POU3F3: variants seen among roughly 807,000 people sequenced by gnomAD.
POU3F3 encodes POU class 3 homeobox 3.
POU3F3 carries 1 observed loss-of-function variant against 8.6 expected under a neutral mutation model. The observed-to-expected ratio is 0.12, with a 90% CI of 0.04 to 0.55. POU3F3 has a LOEUF of 0.55. Among genes scored for constraint, POU3F3 ranks in the 20% least tolerant of loss-of-function variants. POU3F3 has a pLI of 0.91. For synonymous variants in POU3F3, 418 were observed against 327.4 expected, an observed-to-expected ratio of 1.28 and a Z score of -2.99; for missense variants, 577 against 690.7, an observed-to-expected ratio of 0.84 and a Z score of 1.84.
chr2:104,876,480 G>A, the POU3F3 span, among the ~76,000 whole-genome samples: 1 of 152,310 alleles, frequency 6.6e-6, no homozygotes, highest in South Asian at 2.1e-4. Flanking sequence ...TCACATGGCT[G>A]TATTTGCCAT....
chr2:104,914,292 G>A, the POU3F3 span, among the ~76,000 whole-genome samples: 1 of 152,194 alleles, frequency 6.6e-6, no homozygotes, highest in African/African-American at 2.4e-5. Flanking sequence ...CAGAGGACTA[G>A]TTGTTGATGT....
the POU3F3 span, among the ~76,000 whole-genome samples, chr2:104,877,278 AT>A: frequency 2.0e-5 from 3 of 151,220 alleles, no homozygotes; most frequent in East Asian, 5.9e-4. Flanking sequence ...AAGTATAAGC[AT>A]CTCTCTTTCT....
the POU3F3 span, among the ~76,000 whole-genome samples, chr2:104,913,041 A>G: frequency 1.3e-5 from 2 of 152,204 alleles, no homozygotes; most frequent in Non-Finnish European, 2.9e-5. Context: ...AAAAACATGT[A>G]GTGGGCTTTA....
chr2:104,885,632 G>A, the POU3F3 span, among the ~76,000 whole-genome samples: 67 of 152,180 alleles, frequency 4.4e-4, 1 homozygote, highest in East Asian at 0.012. Context: ...TACCCTATAT[G>A]GTGTAAAAAG....
the POU3F3 span, among the ~76,000 whole-genome samples, chr2:104,921,959 T>G: frequency 6.6e-6 from 1 of 152,154 alleles, no homozygotes; most frequent in Non-Finnish European, 1.5e-5. Flanking sequence ...ATCACTCCAC[T>G]GCACTCCAGC....
chr2:104,887,038 G>A, the POU3F3 span, among the ~76,000 whole-genome samples: 2 of 152,296 alleles, frequency 1.3e-5, no homozygotes, highest in South Asian at 2.1e-4. Flanking sequence ...TTGATAATAT[G>A]CTAAACAAGG....
the POU3F3 span, among the ~76,000 whole-genome samples, chr2:104,878,652 A>G: frequency 2.0e-5 from 3 of 152,234 alleles, no homozygotes; most frequent in African/African-American, 7.2e-5. Flanking sequence ...TGCATACAGA[A>G]GTTGGCATCT....
At chr2:104,868,208 G>A in the POU3F3 span, 1 of 455,474 alleles carries the variant, frequency 2.2e-6, no homozygotes, top group Non-Finnish European at 4.4e-6. Flanking sequence ...CTAGGAGTTG[G>A]TGGGAGAGGC....
the POU3F3 span, among the ~76,000 whole-genome samples, chr2:104,904,343 G>C: frequency 2.0e-5 from 3 of 152,100 alleles, no homozygotes; most frequent in Non-Finnish European, 4.4e-5. Flanking sequence ...TCTATCATAT[G>C]TCACCAACAG....
chr2:104,899,329 T>C, the POU3F3 span, among the ~76,000 whole-genome samples: 2 of 152,236 alleles, frequency 1.3e-5, no homozygotes, highest in Non-Finnish European at 2.9e-5. Context: ...CCTGATTCTT[T>C]CCTTTCCCCT....
chr2:104,927,614 A>G, the POU3F3 span, among the ~76,000 whole-genome samples: 1 of 148,098 alleles, frequency 6.8e-6, no homozygotes, highest in Non-Finnish European at 1.5e-5. Context: ...AAAATTAGTC[A>G]GGTGCTGCGG....
chr2:104,912,444 A>G, the POU3F3 span, among the ~76,000 whole-genome samples: 1 of 131,878 alleles, frequency 7.6e-6, no homozygotes, highest in Non-Finnish European at 1.7e-5. Context: ...GAAAATCACT[A>G]TGTGGTGTGG....
In POU3F3 at chr2:104,856,186, G is replaced by C; in HGVS notation, c.676G>C (p.Gly226Arg). The change falls in exon 1 of 1, where the codon GGA (glycine) becomes CGA (arginine). Residue 226 changes from glycine to arginine, a missense_variant. Gly to Arg is a moderately radical substitution (Grantham distance 125). This residue lies in a region of POU3F3 where 484 missense variants were observed against 422.6 expected (regional missense o/e 1.15). Transcript: ENST00000361360. ...PPQSLLYSQP[G>R]GFTVNGMLSA... Reference sequence around the variant, plus strand: ...GCAGAGTCTGCTCTACTCGCAGCCCGGAGGCTTCACGGTGAACGGCATGCT... The same window carrying C: ...GCAGAGTCTGCTCTACTCGCAGCCCCGAGGCTTCACGGTGAACGGCATGCT... 1 of 1,267,962 alleles carries C rather than the reference G, an allele frequency of 7.9e-7. No homozygotes were observed. Among genetic ancestry groups the C allele is most frequent in the Non-Finnish European group, 9.9e-7 (1 of 1,012,342 alleles). The allele number at this position is 1,267,962 out of a possible 1,614,324, so 78.5% of individuals were successfully genotyped here.
chr2:104,874,625 C>T, the POU3F3 span, among the ~76,000 whole-genome samples: 1 of 152,012 alleles, frequency 6.6e-6, no homozygotes, highest in African/African-American at 2.4e-5. Context: ...GTGAGGCATC[C>T]GGAAGTAGCT....
the POU3F3 span, among the ~76,000 whole-genome samples, chr2:104,888,799 C>T: frequency 6.6e-6 from 1 of 152,140 alleles, no homozygotes; most frequent in South Asian, 2.1e-4. Flanking sequence ...GCTAACAGGC[C>T]TCCCTCTTTT....
At chr2:104,907,046 G>A in the POU3F3 span, among the ~76,000 whole-genome samples, 7 of 151,976 alleles carry the variant, frequency 4.6e-5, no homozygotes, top group African/African-American at 9.7e-5. Flanking sequence ...GTGGCATATT[G>A]CACGCGAAAA....
At chr2:104,863,631 A>C in the POU3F3 span, among the ~76,000 whole-genome samples, 1 of 151,982 alleles carries the variant, frequency 6.6e-6, no homozygotes, top group African/African-American at 2.4e-5. Context: ...GCGGAGGACA[A>C]AGTAAAGACG....
At chr2:104,894,594 TCACCTCCTGACCCAGGTGCC>T in the POU3F3 span, among the ~76,000 whole-genome samples, 1 of 151,870 alleles carries the variant, frequency 6.6e-6, no homozygotes, top group Non-Finnish European at 1.5e-5. Flanking sequence ...AGCGGTGTGG[TCACCTCCTGACCCAGGTGCC>T]CCATGGAGTC....
At chr2:104,887,777 A>G in the POU3F3 span, among the ~76,000 whole-genome samples, 1 of 152,216 alleles carries the variant, frequency 6.6e-6, no homozygotes, top group Non-Finnish European at 1.5e-5. Flanking sequence ...TCCAGAGCCC[A>G]CGCCCAGCCA....
Sources: allele counts gnomAD v4.1 joint callset (sites outside exome capture counted in the v4.1 genomes callset), GRCh38; gene constraint gnomAD v4.1.1; regional missense constraint gnomAD v4.1.1; transcripts MANE v1.5; gene names NCBI Gene and HGNC (gene_info 2026-07-23, HGNC 2026-07-21).